Variants in GPC5 observed in about 807,000 individuals in gnomAD.
GPC5 encodes the protein glypican 5.
Under a neutral mutation model 53.9 loss-of-function variants are expected in GPC5, and 47 were observed. That is an observed-to-expected ratio of 0.87 (90% CI 0.69 to 1.11). GPC5 has a LOEUF of 1.11. Among genes scored for constraint, GPC5 ranks in the 50% most tolerant of loss-of-function variants. The probability of loss-of-function intolerance (pLI) is 0.00; values close to 1 mark genes in which losing one functional copy is unlikely to be tolerated. For synonymous variants in GPC5, 286 were observed against 263.3 expected (o/e 1.09, Z -0.84); for missense variants, 748 against 713.1 (o/e 1.05, Z -0.56).
At chr13:91,572,529 C>T (rs1189001084) in intron 2 of GPC5, among the ~76,000 whole-genome samples, 1 of 152,004 alleles carries the variant, frequency 6.6e-6, no homozygotes, top group Non-Finnish European at 1.5e-5. Context: ...CATTGTATCA[C>T]ATGGTGAGAG....
intron 5 of GPC5, among the ~76,000 whole-genome samples, chr13:91,779,028 T>TA (rs925558190): frequency 6.6e-6 from 1 of 152,176 alleles, no homozygotes; most frequent in Non-Finnish European, 1.5e-5. Context: ...GCATAAAAGC[T>TA]AAAAAATTGT....
At chr13:92,458,280 C>G (rs537706146) in intron 7 of GPC5, among the ~76,000 whole-genome samples, 1 of 127,664 alleles carries the variant, frequency 7.8e-6, no homozygotes, top group Non-Finnish European at 1.5e-5. Flanking sequence ...CTGCTTAACA[C>G]ATACTAGTTA....
chr13:91,645,912 G>T (rs1284564688), intron 2 of GPC5, among the ~76,000 whole-genome samples: 1 of 152,154 alleles, frequency 6.6e-6, no homozygotes, highest in Non-Finnish European at 1.5e-5. Flanking sequence ...ACACACTTTG[G>T]ATAGCACTGA....
chr13:91,691,283 G>A (rs1594436224), intron 2 of GPC5, among the ~76,000 whole-genome samples: 1 of 152,172 alleles, frequency 6.6e-6, no homozygotes, highest in East Asian at 1.9e-4. Flanking sequence ...CACCTGGACT[G>A]CTTGTTAAAT....
intron 6 of GPC5, among the ~76,000 whole-genome samples, chr13:91,949,953 C>A (rs2040010529): frequency 6.6e-6 from 1 of 152,140 alleles, no homozygotes; most frequent in South Asian, 2.1e-4. Flanking sequence ...AATTTGATAT[C>A]ATGGAAAATG....
At chr13:91,959,907 A>T (rs2040111032) in intron 6 of GPC5, among the ~76,000 whole-genome samples, 1 of 151,902 alleles carries the variant, frequency 6.6e-6, no homozygotes, top group Non-Finnish European at 1.5e-5. Context: ...TATGATAAAA[A>T]CTTTAAGCAA....
chr13:92,527,788 T>C (rs560131941), intron 7 of GPC5, among the ~76,000 whole-genome samples: 2 of 152,146 alleles, frequency 1.3e-5, no homozygotes, highest in African/African-American at 4.8e-5. Context: ...TTCTTAACTT[T>C]GATTCATTAG....
chr13:91,596,768 G>A (rs1273217097), intron 2 of GPC5, among the ~76,000 whole-genome samples: 1 of 152,040 alleles, frequency 6.6e-6, no homozygotes, highest in Non-Finnish European at 1.5e-5. Flanking sequence ...TGAATTATGA[G>A]GTTTCCCAGT....
chr13:91,762,402 A>G (rs1281709965), intron 5 of GPC5, among the ~76,000 whole-genome samples: 2 of 150,948 alleles, frequency 1.3e-5, no homozygotes, highest in Non-Finnish European at 2.9e-5. Flanking sequence ...ATTCAATTAC[A>G]TTTTTCCTAT....
chr13:91,617,143 T>C (rs2033718560), intron 2 of GPC5, among the ~76,000 whole-genome samples: 3 of 152,160 alleles, frequency 2.0e-5, no homozygotes, highest in Admixed American at 1.3e-4. Context: ...GGTGTAGCAA[T>C]CAATTAAATG....
At chr13:92,208,254 C>A (rs2042351564) in intron 7 of GPC5, among the ~76,000 whole-genome samples, 1 of 152,178 alleles carries the variant, frequency 6.6e-6, no homozygotes, top group Non-Finnish European at 1.5e-5. Flanking sequence ...AATGTTCTCC[C>A]TTAAATTTCC....
At chr13:91,730,809 C>T (rs576747453) in intron 4 of GPC5, among the ~76,000 whole-genome samples, 2 of 152,228 alleles carry the variant, frequency 1.3e-5, no homozygotes, top group East Asian at 3.9e-4. Flanking sequence ...ATCTAAAAAG[C>T]ACTCTATCTC....
At chr13:91,742,672 C>T (rs931100868) in intron 4 of GPC5, among the ~76,000 whole-genome samples, 5 of 152,142 alleles carry the variant, frequency 3.3e-5, no homozygotes, top group Admixed American at 6.6e-5. Flanking sequence ...TTATAGAAAA[C>T]GTATGCAACT....
intron 2 of GPC5, among the ~76,000 whole-genome samples, chr13:91,666,723 C>G (rs564207837): frequency 3.9e-5 from 6 of 151,902 alleles, no homozygotes; most frequent in African/African-American, 1.4e-4. Context: ...CATTTTATAC[C>G]TATTATGCAT....
intron 2 of GPC5, among the ~76,000 whole-genome samples, chr13:91,617,898 T>C (rs1202585468): frequency 6.6e-6 from 1 of 152,136 alleles, no homozygotes; most frequent in East Asian, 1.9e-4. Flanking sequence ...AGACAATATA[T>C]AACAAATGGG....
At chr13:92,237,481 A>G (rs1236432143) in intron 7 of GPC5, among the ~76,000 whole-genome samples, 2 of 151,992 alleles carry the variant, frequency 1.3e-5, no homozygotes, top group African/African-American at 2.4e-5. Flanking sequence ...GCCTCCCAAA[A>G]TGCTGGGATT....
At chr13:91,968,497 T>C (rs1367698998) in intron 6 of GPC5, among the ~76,000 whole-genome samples, 1 of 152,262 alleles carries the variant, frequency 6.6e-6, no homozygotes, top group East Asian at 1.9e-4. Flanking sequence ...AGTCTTGCTC[T>C]GTCGCCCAGG....
At chr13:92,750,681 T>C (rs1254583875) in intron 7 of GPC5, among the ~76,000 whole-genome samples, 1 of 152,178 alleles carries the variant, frequency 6.6e-6, no homozygotes, top group Non-Finnish European at 1.5e-5. Context: ...ATGTTAATAA[T>C]TCAGGCTCAG....
At chr13:92,288,792 G>A (rs112973552) in intron 7 of GPC5, among the ~76,000 whole-genome samples, 1 of 152,040 alleles carries the variant, frequency 6.6e-6, no homozygotes, top group Admixed American at 6.6e-5. Flanking sequence ...AACACACTTA[G>A]ATTATTATTT....
Sources: allele counts gnomAD v4.1 joint callset (sites outside exome capture counted in the v4.1 genomes callset), GRCh38; gene constraint gnomAD v4.1.1; transcripts MANE v1.5; gene names NCBI Gene and HGNC (gene_info 2026-07-23, HGNC 2026-07-21).